Variants in KCNH1 observed in about 807,000 individuals in gnomAD.
The protein encoded by KCNH1 is potassium voltage-gated channel subfamily H member 1.
A neutral mutation model predicts 69.2 loss-of-function variants in KCNH1; 27 were observed. The ratio of observed to expected loss-of-function variants is 0.39; its 90% CI spans 0.29 to 0.54. The LOEUF is 0.54. Ranked by LOEUF, KCNH1 falls within the 20% of genes least tolerant of loss-of-function variation. KCNH1 has a pLI of 0.68. For synonymous variants in KCNH1, 456 were observed against 487.7 expected (o/e 0.93, Z 0.86); for missense variants, 798 against 1,261.6 (o/e 0.63, Z 5.57).
intron 6 of KCNH1, among the ~76,000 whole-genome samples, chr1:210,995,832 A>G (rs1689022131): frequency 6.6e-6 from 1 of 152,208 alleles, no homozygotes; most frequent in Non-Finnish European, 1.5e-5. Context: ...ATAATGGACC[A>G]TGGATCTGTA....
intron 7 of KCNH1, chr1:210,860,132 T>C (rs1685945168): frequency 3.4e-6 from 4 of 1,170,700 alleles, no homozygotes; most frequent in African/African-American, 1.5e-5. Flanking sequence ...ATACTGTATA[T>C]CATTTCAAGA....
chr1:211,125,584 C>T (rs544718641), intron 1 of KCNH1, among the ~76,000 whole-genome samples: 1 of 152,300 alleles, frequency 6.6e-6, no homozygotes, highest in Admixed American at 6.5e-5. Flanking sequence ...AAAGTTAAGC[C>T]ATAGATAATT....
At chr1:210,773,595 C>A (rs1472846400) in intron 10 of KCNH1, among the ~76,000 whole-genome samples, 1 of 152,154 alleles carries the variant, frequency 6.6e-6, no homozygotes, top group Non-Finnish European at 1.5e-5. Context: ...TTTCTCCAGG[C>A]TTTGCTCAAA....
In KCNH1 at chr1:210,910,277, CA is replaced by C. The variant is rs373832448; in HGVS notation, c.1462+9362del. ...ACAGTCAGAGGTGGTCATCAAGCAC[CA>C]AAAAAAAAAAAAAAAAATCATCAAA... On this transcript the variant is annotated intron_variant, in intron 7 of 10. Transcript: ENST00000271751. 2.8e-3 allele frequency among the ~76,000 whole-genome samples: 289 copies of C among 102,738 alleles called. 1 individual carries two copies. Among genetic ancestry groups the C allele is most frequent in the Non-Finnish European group, 3.2e-3 (167 of 51,550 alleles). The allele number at this position is 102,738 out of a possible 152,430, so 67.4% of individuals were successfully genotyped here. A position where few individuals can be genotyped will look rare whatever the true frequency, so the allele number is the denominator to read the frequency against.
chr1:210,699,993 G>A (rs999267904), intron 10 of KCNH1, among the ~76,000 whole-genome samples: 10 of 152,088 alleles, frequency 6.6e-5, no homozygotes, highest in African/African-American at 2.4e-4. Context: ...TAAATTGGCT[G>A]GTACAGCAAG....
rs147189310 is a variant in KCNH1, at chr1:210,850,404, G to A, written c.1463-46238C>T. On this transcript the variant is annotated intron_variant, in intron 7 of 10. Transcript: ENST00000271751. ...CGCGCACCTGTAGCTCCAGCTACTC[G>A]GGAGGCTGAGGCATGAGAATCGCTT... Among the ~76,000 whole-genome samples the A allele has an allele frequency of 2.3e-3, 353 of 152,228 alleles. 2 individuals are homozygous for A. The highest frequency in any genetic ancestry group is 7.7e-3 in the African/African-American group (318 of 41,552).
At chr1:210,809,583 G>C (rs1368391933) in intron 7 of KCNH1, among the ~76,000 whole-genome samples, 1 of 152,174 alleles carries the variant, frequency 6.6e-6, no homozygotes, top group Non-Finnish European at 1.5e-5. Flanking sequence ...TCAAAAAATG[G>C]CAGCATTAGC....
At chr1:210,947,443 C>G (rs186415930) in intron 6 of KCNH1, among the ~76,000 whole-genome samples, 161 of 151,844 alleles carry the variant, frequency 1.1e-3, no homozygotes, top group African/African-American at 3.7e-3. Context: ...GGCATGGTGG[C>G]GGGCACCTGT....
At chr1:210,990,877 C>T (rs751517442) in intron 6 of KCNH1, among the ~76,000 whole-genome samples, 1 of 151,926 alleles carries the variant, frequency 6.6e-6, no homozygotes, top group Admixed American at 6.6e-5. Context: ...ATATTAAGTG[C>T]TAAGGCATTA....
intron 6 of KCNH1, among the ~76,000 whole-genome samples, chr1:210,976,190 G>A (rs1040968819): frequency 2.0e-5 from 3 of 152,080 alleles, no homozygotes; most frequent in Non-Finnish European, 4.4e-5. Context: ...AAGACAGTGT[G>A]GTGATTCCTC....
intron 10 of KCNH1, among the ~76,000 whole-genome samples, chr1:210,741,960 A>C (rs1260457516): frequency 2.6e-5 from 4 of 152,176 alleles, no homozygotes; most frequent in African/African-American, 9.7e-5. Context: ...AATCTTGCTT[A>C]ATTTGCCTGA....
intron 7 of KCNH1, among the ~76,000 whole-genome samples, chr1:210,866,132 T>C (rs1037645449): frequency 2.6e-5 from 4 of 152,180 alleles, no homozygotes; most frequent in Admixed American, 2.6e-4. Context: ...TGGATGATAG[T>C]CTTAATTGTA....
chr1:210,859,584 C>A (rs1574301065), intron 7 of KCNH1: 3 of 1,537,048 alleles, frequency 2.0e-6, no homozygotes, highest in East Asian at 4.5e-5. Flanking sequence ...CTTCATCACT[C>A]CCCAGTTCCT....
At position 211,130,199 on chromosome 1, in the gene KCNH1, G is replaced by C. The variant is rs57582076; in HGVS notation, c.79+3668C>G. On this transcript the variant is annotated intron_variant, in intron 1 of 10. Transcript: ENST00000271751. ...CAACAAAGCCAGTAGGATTTAAAATGATCACTGACATGACCATAAGCAAAA... is the reference window on the plus strand; with the variant it reads ...CAACAAAGCCAGTAGGATTTAAAATCATCACTGACATGACCATAAGCAAAA... Among the ~76,000 whole-genome samples, 11 of 152,314 alleles carry C rather than the reference G, an allele frequency of 7.2e-5. No homozygotes were observed. In the East Asian group the frequency reaches 2.1e-3, roughly 29 times the overall value.
intron 6 of KCNH1, among the ~76,000 whole-genome samples, chr1:211,006,586 G>A (rs1399639906): frequency 6.6e-6 from 1 of 152,108 alleles, no homozygotes; most frequent in African/African-American, 2.4e-5. Flanking sequence ...TCTGGGAGTT[G>A]GTTACATTCT....
intron 6 of KCNH1, among the ~76,000 whole-genome samples, chr1:210,963,085 T>C (rs1327936693): frequency 6.6e-6 from 1 of 151,962 alleles, no homozygotes. Context: ...TTTCATTTTC[T>C]TCATGCTGTC....
chr1:211,050,671 AT>A (rs1304072793), intron 5 of KCNH1, among the ~76,000 whole-genome samples: 1 of 152,110 alleles, frequency 6.6e-6, no homozygotes, highest in African/African-American at 2.4e-5. Flanking sequence ...CTTCAGTTGT[AT>A]TTTTTTATTT....
intron 3 of KCNH1, among the ~76,000 whole-genome samples, chr1:211,102,820 C>A (rs906992265): frequency 6.6e-6 from 1 of 152,180 alleles, no homozygotes; most frequent in African/African-American, 2.4e-5. Context: ...TCTTACAAAA[C>A]TAGTGTTTTT....
At chr1:211,044,616 T>A (rs1298766980) in intron 5 of KCNH1, among the ~76,000 whole-genome samples, 2 of 151,966 alleles carry the variant, frequency 1.3e-5, no homozygotes, top group African/African-American at 4.8e-5. Flanking sequence ...AATAGACAAT[T>A]CTCAAAAGAA....
Sources: allele counts gnomAD v4.1 joint callset (sites outside exome capture counted in the v4.1 genomes callset), GRCh38; gene constraint gnomAD v4.1.1; transcripts MANE v1.5; gene names NCBI Gene and HGNC (gene_info 2026-07-23, HGNC 2026-07-21).